PCDHGA10: variants seen among roughly 807,000 people sequenced by gnomAD.
The protein encoded by PCDHGA10 is protocadherin gamma subfamily A, 10, also known as protocadherin gamma-A10.
In PCDHGA10, 42 loss-of-function variants were observed where a neutral mutation model predicts 59.5. The observed-to-expected ratio is 0.71, with a 90% CI of 0.55 to 0.91. The LOEUF is 0.91. Ranked by LOEUF, PCDHGA10 falls within the 40% of genes least tolerant of loss-of-function variation. The pLI is 0.00. For missense variants in PCDHGA10, 1,111 were observed against 1,198.2 expected (o/e 0.93, Z 1.07); for synonymous variants, 511 against 517.2 (o/e 0.99, Z 0.16).
chr5:141,474,210 A>G (rs1054533367), intron 1 of PCDHGA10, among the ~76,000 whole-genome samples: 3 of 152,230 alleles, frequency 2.0e-5, no homozygotes, highest in Non-Finnish European at 4.4e-5. Context: ...ATTTTCAAAA[A>G]CCAGATTGTG....
rs980944782 is a variant in PCDHGA10 at position 141,487,625 on chromosome 5, T to C, written c.2437-7182T>C. On this transcript the variant is annotated intron_variant, in intron 1 of 3. Coordinates refer to ENST00000398610, the MANE Select transcript of PCDHGA10 (RefSeq NM_018913.3). This position sits in a 1 kb window ranked among gnomAD's most constrained non-coding sequence, Gnocchi z 5.0. ...TCTCTATGGGCTAGAGGTGAGACCT[T>C]TGCAGGCTCAACAAATGCTTGAGGG... 4 of 1,614,090 alleles carry C rather than the reference T, an allele frequency of 2.5e-6. No homozygotes were observed. Among genetic ancestry groups the C allele is most frequent in the Admixed American group, 3.3e-5 (2 of 60,004 alleles).
At chr5:141,424,776 A>C (rs1406581367) in intron 1 of PCDHGA10, 2 of 152,154 alleles carry the variant, frequency 1.3e-5, no homozygotes, top group African/African-American at 4.8e-5. Context: ...CAAATAGTAC[A>C]TTCAGTTCTT....
At chr5:141,481,180 T>C (rs1354907506) in intron 1 of PCDHGA10, among the ~76,000 whole-genome samples, 1 of 152,236 alleles carries the variant, frequency 6.6e-6, no homozygotes, top group Admixed American at 6.5e-5. Flanking sequence ...CCAGCTTTAT[T>C]GGGCCAGGCC....
At chr5:141,488,565 C>T (rs1308485284) in intron 1 of PCDHGA10, among the ~76,000 whole-genome samples, 1 of 152,174 alleles carries the variant, frequency 6.6e-6, no homozygotes, top group Non-Finnish European at 1.5e-5. Flanking sequence ...GAGATTTCCG[C>T]AAAGCATTGC....
In PCDHGA10 at chr5:141,415,056, G is replaced by A. The variant is rs1367441891; in HGVS notation, c.1881G>A (p.Thr627=). The A allele has an allele frequency of 1.2e-6, 2 of 1,613,416 alleles. No homozygotes were observed. Among genetic ancestry groups the A allele is most frequent in the East Asian group, 2.2e-5 (1 of 44,862 alleles). The change falls in exon 1 of 4, where the codon ACG becomes ACA. Residue 627 remains threonine, a synonymous_variant. Coordinates refer to ENST00000398610, the MANE Select transcript of PCDHGA10 (RefSeq NM_018913.3). ...GACTCTTCGCGGTGGGGGAGCACAC[G>A]GGCGAGGTGCGCACGGCGCGAGCCC... ...EPGLFAVGEH[T]GEVRTARALL...
intron 1 of PCDHGA10, among the ~76,000 whole-genome samples, chr5:141,444,482 T>G (rs1346576719): frequency 6.6e-6 from 1 of 152,000 alleles, no homozygotes; most frequent in Non-Finnish European, 1.5e-5. Context: ...CGTACTGGAT[T>G]TATATTGTGT....
intron 2 of PCDHGA10, among the ~76,000 whole-genome samples, chr5:141,500,812 T>C: frequency 6.6e-6 from 1 of 152,322 alleles, no homozygotes; most frequent in South Asian, 2.1e-4. Flanking sequence ...CATATGAATA[T>C]ACATATTATT....
At chr5:141,500,293 C>T (rs1380080572) in intron 2 of PCDHGA10, among the ~76,000 whole-genome samples, 3 of 151,870 alleles carry the variant, frequency 2.0e-5, no homozygotes, top group Non-Finnish European at 4.4e-5. Flanking sequence ...ACTGCAAGCT[C>T]CGCCTCCCAG....
In PCDHGA10 at chr5:141,477,696, A is replaced by T. The variant is rs778604051; in HGVS notation, c.2437-17111A>T. The T allele has an allele frequency of 2.1e-5, 34 of 1,614,054 alleles. No individual in the cohort carries two copies. Among genetic ancestry groups the T allele is most frequent in the Non-Finnish European group, 2.9e-5 (34 of 1,180,044 alleles). On this transcript the variant is annotated intron_variant, in intron 1 of 3. Transcript: ENST00000398610. This position sits in a 1 kb window ranked among gnomAD's most constrained non-coding sequence, Gnocchi z 4.9. ...GTGTCATCCTTAGTGCCCCTAGACT[A>T]TGAGGATCGGCGGGAATTTGAATTA...
rs115607451 is a variant in PCDHGA10, at chr5:141,508,636, A to C, written c.2585-2311A>C. Among the ~76,000 whole-genome samples, 998 of 151,746 alleles carry C rather than the reference A, an allele frequency of 6.6e-3. 12 individuals are homozygous for C. The highest frequency in any genetic ancestry group is 0.023 in the African/African-American group (958 of 41,372). ...ACGTGGGTGGGCCGAGCTTCTAGCT[A>C]CTCCGTCAGGCCCTTCCTGTCATTC... On this transcript the variant is annotated intron_variant, in intron 3 of 3. Transcript: ENST00000398610.
Position 141,486,219 on chromosome 5 carries a change from A to G in PCDHGA10, c.2437-8588A>G. 1 of 1,614,134 alleles carries G rather than the reference A, an allele frequency of 6.2e-7. No individual in the cohort carries two copies. Among genetic ancestry groups the G allele is most frequent in the African/African-American group, 1.3e-5 (1 of 75,042 alleles). ...CTGGACGTAAATGACAATGCCCCTT[A>G]CATCACAGTGACCTCAGAGCTTGGA... On this transcript the variant is annotated intron_variant, in intron 1 of 3. Transcript: ENST00000398610. This position sits in a 1 kb window ranked among gnomAD's most constrained non-coding sequence, Gnocchi z 5.0.
At chr5:141,421,843 G>C (rs769652818) in intron 1 of PCDHGA10, 1 of 1,613,798 alleles carries the variant, frequency 6.2e-7, no homozygotes, top group Non-Finnish European at 8.5e-7. Context: ...CCGAGAGAAA[G>C]AGGCTGCTCA....
intron 1 of PCDHGA10, among the ~76,000 whole-genome samples, chr5:141,484,837 T>C (rs1289449270): frequency 6.6e-6 from 1 of 151,620 alleles, no homozygotes; most frequent in Non-Finnish European, 1.5e-5. Context: ...GGCGAAAAGA[T>C]AGGCTGGGTT....
chr5:141,431,162 G>C lies in PCDHGA10; in HGVS notation c.2436+15551G>C, dbSNP rs757521794. The C allele has an allele frequency of 3.1e-6, 5 of 1,614,246 alleles. No homozygotes were observed. The South Asian group carries it at 5.5e-5, about 18-fold the overall frequency. On this transcript the variant is annotated intron_variant, in intron 1 of 3. Coordinates refer to ENST00000398610, the MANE Select transcript of PCDHGA10 (RefSeq NM_018913.3). The surrounding 1 kb of genome is among the most constrained non-coding windows in gnomAD (Gnocchi z 4.8). Reference sequence around the variant, plus strand: ...TAACGACAATGCGCCTTACTTTCGTGAAAGTGAATTAGAAATAAAAATTAG... The same window carrying C: ...TAACGACAATGCGCCTTACTTTCGTCAAAGTGAATTAGAAATAAAAATTAG...
rs1055747392 is a variant in PCDHGA10 at position 141,490,298 on chromosome 5, C to G, written c.2437-4509C>G. 6.2e-7 allele frequency: 1 copy of G among 1,614,178 alleles called. No individual in the cohort carries two copies. The highest frequency in any genetic ancestry group is 1.3e-5 in the African/African-American group (1 of 75,036). On this transcript the variant is annotated intron_variant, in intron 1 of 3. Transcript: ENST00000398610. The surrounding 1 kb of genome is among the most constrained non-coding windows in gnomAD (Gnocchi z 5.4). ...GACAATGCCCCAGAGGTGCTATTGG[C>G]CTCTTTGGCCAACCCTGTCCTAGAG...
rs530194567 is a variant in PCDHGA10, at chr5:141,417,884, C to G, written c.2436+2273C>G. On this transcript the variant is annotated intron_variant, in intron 1 of 3. Transcript: ENST00000398610. ...GATGGGAGGGAGCTGCGCGCAGAGG[C>G]GCCGGGCCGGCCCGCGGCAGGTACT... 2.1e-4 allele frequency: 327 copies of G among 1,561,600 alleles called. No individual in the cohort carries two copies. In the South Asian group the frequency reaches 3.4e-3, roughly 16 times the overall value.
chr5:141,486,474 C>G lies in PCDHGA10; in HGVS notation c.2437-8333C>G. ...ACTGCTTCTGATGCTGGGAACCCTC[C>G]TCTCAGTACCCACAGAACTATTTTC... On this transcript the variant is annotated intron_variant, in intron 1 of 3. Transcript: ENST00000398610. The surrounding 1 kb of genome is among the most constrained non-coding windows in gnomAD (Gnocchi z 5.0). The G allele has an allele frequency of 6.2e-7, 1 of 1,614,016 alleles. No individual in the cohort carries two copies. Among genetic ancestry groups the G allele is most frequent in the Non-Finnish European group, 8.5e-7 (1 of 1,179,822 alleles).
chr5:141,472,159 A>G (rs1020175900), intron 1 of PCDHGA10, among the ~76,000 whole-genome samples: 1 of 152,246 alleles, frequency 6.6e-6, no homozygotes, highest in Non-Finnish European at 1.5e-5. Context: ...TTACATAGCT[A>G]CTAGGTGTAA....
In PCDHGA10 at chr5:141,413,362, C is replaced by G; in HGVS notation, c.187C>G (p.Leu63Val). 2 of 1,613,988 alleles carry G rather than the reference C, an allele frequency of 1.2e-6. No homozygotes were observed. Among genetic ancestry groups the G allele is most frequent in the South Asian group, 1.1e-5 (1 of 91,086 alleles). The change falls in exon 1 of 4, where the codon CTG (leucine) becomes GTG (valine). Residue 63 changes from leucine to valine, a missense_variant. Leu to Val is a conservative substitution (Grantham distance 32, BLOSUM62 1). Coordinates refer to ENST00000398610, the MANE Select transcript of PCDHGA10 (RefSeq NM_018913.3). The part of the protein sequence containing the change: ...SKDLGLAPRE[L>V]AERGVRIVSR... ...GGACTTGGGTCTGGCGCCCCGGGAG[C>G]TGGCGGAGCGCGGAGTCCGCATAGT... is the stretch of plus-strand genomic sequence containing the variant.
Sources: allele counts gnomAD v4.1 joint callset (sites outside exome capture counted in the v4.1 genomes callset), GRCh38; gene constraint gnomAD v4.1.1; non-coding constraint Gnocchi (gnomAD v3.1); transcripts MANE v1.5; gene names NCBI Gene and HGNC (gene_info 2026-07-23, HGNC 2026-07-21).